Variants in NELL2 observed in about 807,000 individuals in gnomAD.
The protein encoded by NELL2 is neural EGFL like 2.
A neutral mutation model predicts 109.6 loss-of-function variants in NELL2; 41 were observed. The observed-to-expected ratio is 0.37, with a 90% CI of 0.29 to 0.49. The LOEUF (loss-of-function observed/expected upper bound fraction) is 0.49, where lower values mean the gene tolerates loss of function less well. NELL2 is among the 20% of genes least tolerant of loss of function. The pLI is 0.98. For missense variants in NELL2, 900 were observed against 1,008.3 expected, an observed-to-expected ratio of 0.89 and a Z score of 1.45; for synonymous variants, 355 against 344.7, an observed-to-expected ratio of 1.03 and a Z score of -0.33.
At chr12:44,626,155 A>C (rs1361265287) in intron 13 of NELL2, among the ~76,000 whole-genome samples, 1 of 152,196 alleles carries the variant, frequency 6.6e-6, no homozygotes, top group African/African-American at 2.4e-5. Context: ...TTCTTATTTC[A>C]TACAACAAGC....
chr12:44,852,241 C>A (rs1265994170), intron 2 of NELL2, among the ~76,000 whole-genome samples: 1 of 152,154 alleles, frequency 6.6e-6, no homozygotes, highest in African/African-American at 2.4e-5. Flanking sequence ...AGATTCATAT[C>A]TTAACATACA....
chr12:44,636,532 T>G (rs757578989), intron 13 of NELL2, among the ~76,000 whole-genome samples: 1 of 152,192 alleles, frequency 6.6e-6, no homozygotes, highest in Non-Finnish European at 1.5e-5. Flanking sequence ...CTGCATCTAT[T>G]AAGATAATCA....
chr12:44,821,735 T>TA (rs1236189879), intron 2 of NELL2, among the ~76,000 whole-genome samples: 1 of 151,916 alleles, frequency 6.6e-6, no homozygotes, highest in Non-Finnish European at 1.5e-5. Flanking sequence ...TTTTTTTTTT[T>TA]TAGACAGAGT....
intron 1 of NELL2, among the ~76,000 whole-genome samples, chr12:44,900,370 C>T (rs554288587): frequency 6.6e-6 from 1 of 152,168 alleles, no homozygotes; most frequent in South Asian, 2.1e-4. Context: ...AAGTAAAACA[C>T]TCCTCAGAAA....
chr12:44,547,125 A>AAC (rs1942829079), intron 15 of NELL2, among the ~76,000 whole-genome samples: 1 of 152,208 alleles, frequency 6.6e-6, no homozygotes, highest in Non-Finnish European at 1.5e-5. Context: ...TCTGTGGCAG[A>AAC]ACATATCATC....
chr12:44,632,909 G>A (rs1212850523), intron 13 of NELL2, among the ~76,000 whole-genome samples: 3 of 151,620 alleles, frequency 2.0e-5, no homozygotes, highest in Non-Finnish European at 4.4e-5. Context: ...CTATAACTAG[G>A]CCATAGAGAG....
At chr12:44,863,472 T>C (rs1944899953) in intron 2 of NELL2, among the ~76,000 whole-genome samples, 1 of 151,808 alleles carries the variant, frequency 6.6e-6, no homozygotes, top group Non-Finnish European at 1.5e-5. Context: ...TCAACAGAAG[T>C]CTTACAGACG....
At chr12:44,878,437 C>A (rs1237005861), upstream of NELL2, among the ~76,000 whole-genome samples, 1 of 152,174 alleles carries the variant, frequency 6.6e-6, no homozygotes, top group Non-Finnish European at 1.5e-5. Context: ...GTTTCTCAAC[C>A]TGGGCAGGAG....
chr12:44,600,031 T>A (rs865926132), intron 15 of NELL2, among the ~76,000 whole-genome samples: 2 of 148,774 alleles, frequency 1.3e-5, no homozygotes, highest in Non-Finnish European at 3.0e-5. Context: ...GCGCGATATC[T>A]GCTCACTGCA....
chr12:44,889,976 T>A (rs1212622788), intron 1 of NELL2, among the ~76,000 whole-genome samples: 1 of 152,178 alleles, frequency 6.6e-6, no homozygotes, highest in Non-Finnish European at 1.5e-5. Context: ...TTAGGCCGGG[T>A]TTCCCAAATG....
In NELL2 at chr12:44,839,820, C is replaced by T. The variant is rs139438510; in HGVS notation, c.185-23684G>A. On this transcript the variant is annotated intron_variant, in intron 2 of 19. Transcript: ENST00000429094. ...TATTTTCTGCCATCTGGGAACACAG[C>T]TTTGGATTGTTTTTCTATCAGTTGG... Among the ~76,000 whole-genome samples, 621 of 152,306 alleles carry T rather than the reference C, an allele frequency of 4.1e-3. 8 individuals are homozygous for T. The highest frequency in any genetic ancestry group is 0.013 in the African/African-American group (541 of 41,568).
At chr12:44,914,963 C>T (rs1254457696), upstream of NELL2, among the ~76,000 whole-genome samples, 2 of 151,970 alleles carry the variant, frequency 1.3e-5, no homozygotes, top group African/African-American at 4.8e-5. Flanking sequence ...CATTCTCCTG[C>T]CTCAGCCTCC....
chr12:44,638,118 C>A (rs1170793174), intron 13 of NELL2, among the ~76,000 whole-genome samples: 1 of 152,072 alleles, frequency 6.6e-6, no homozygotes, highest in East Asian at 1.9e-4. Context: ...CATTTCCATG[C>A]ACGCCCTTAA....
chr12:44,743,996 C>T (rs942897575), intron 9 of NELL2, among the ~76,000 whole-genome samples: 5 of 152,078 alleles, frequency 3.3e-5, no homozygotes, highest in African/African-American at 1.2e-4. Context: ...ACAGAATATA[C>T]ATTTTTTTCA....
chr12:44,559,830 T>G (rs1943401897), intron 15 of NELL2, among the ~76,000 whole-genome samples: 1 of 152,222 alleles, frequency 6.6e-6, no homozygotes, highest in Non-Finnish European at 1.5e-5. Flanking sequence ...CAAGTGGACT[T>G]AATAGACATC....
At chr12:44,814,543 C>G (rs746976843) in intron 3 of NELL2, among the ~76,000 whole-genome samples, 1 of 152,032 alleles carries the variant, frequency 6.6e-6, no homozygotes. Flanking sequence ...AGGGAATAGC[C>G]CAGTGAACCC....
At chr12:44,812,623 A>G (rs571061614) in intron 3 of NELL2, among the ~76,000 whole-genome samples, 1 of 152,166 alleles carries the variant, frequency 6.6e-6, no homozygotes, top group Non-Finnish European at 1.5e-5. Context: ...AACTAAATAG[A>G]TGAGTGAGGA....
chr12:44,881,216 T>C (rs1945408179), upstream of NELL2, among the ~76,000 whole-genome samples: 1 of 152,012 alleles, frequency 6.6e-6, no homozygotes, highest in African/African-American at 2.4e-5. Flanking sequence ...ATTTAGGTTA[T>C]AATAAAAAAT....
upstream of NELL2, among the ~76,000 whole-genome samples, chr12:44,918,995 T>C (rs1447730054): frequency 6.6e-6 from 1 of 152,184 alleles, no homozygotes; most frequent in Non-Finnish European, 1.5e-5. Context: ...AATGACAGAA[T>C]GAAAACATAA....
Sources: allele counts gnomAD v4.1 joint callset (sites outside exome capture counted in the v4.1 genomes callset), GRCh38; gene constraint gnomAD v4.1.1; transcripts MANE v1.5; gene names NCBI Gene and HGNC (gene_info 2026-07-23, HGNC 2026-07-21).